Variants in CHD6 observed in about 807,000 individuals in gnomAD.
CHD6 encodes chromodomain helicase DNA binding protein 6, also known as ATP-dependent chromatin remodeler CHD6.
In CHD6, 50 loss-of-function variants were observed where a neutral mutation model predicts 276.9. That is an observed-to-expected ratio of 0.18 (90% CI 0.14 to 0.23). The LOEUF (loss-of-function observed/expected upper bound fraction) is 0.23, where lower values mean the gene tolerates loss of function less well. Ranked by LOEUF, CHD6 falls within the 10% of genes least tolerant of loss-of-function variation. The pLI is 1.00. For synonymous variants in CHD6, 1,173 were observed against 1,229.3 expected (o/e 0.95, Z 0.96); for missense variants, 2,564 against 3,365.8 (o/e 0.76, Z 5.89).
chr20:41,610,399 G>A (rs568667465), intron 1 of CHD6, among the ~76,000 whole-genome samples: 1 of 152,156 alleles, frequency 6.6e-6, no homozygotes, highest in South Asian at 2.1e-4. Context: ...AGGGAGGAGA[G>A]GATAAGACTC....
At position 41,421,162 on chromosome 20, in the gene CHD6, C is replaced by G. The variant is rs775217176; in HGVS notation, c.5473G>C (p.Asp1825His). The stretch of plus-strand genomic sequence containing the variant: ...TCACAGACACTAAGACTGCACATAT[C>G]TACAAACCCACTTTCATTTCCTGGA... ...LNPGNESGFV[D>H]MCSLSVCDSK... Residue 1825 changes from aspartate to histidine, a missense_variant, in exon 31 of 37, where the codon GAT becomes CAT. By Grantham distance (81) the Asp-to-His change is moderately conservative. This residue lies in a region of CHD6 where 1,024 missense variants were observed against 1,047.9 expected (regional missense o/e 0.98). Transcript: ENST00000373233. The G allele has an allele frequency of 2.5e-6, 4 of 1,613,442 alleles. No homozygotes were observed. In the African/African-American group the frequency reaches 5.3e-5, roughly 22 times the overall value.
intron 1 of CHD6, among the ~76,000 whole-genome samples, chr20:41,579,923 T>C (rs1209837111): frequency 6.6e-6 from 1 of 152,076 alleles, no homozygotes; most frequent in Admixed American, 6.5e-5. Context: ...AAAAATTGGG[T>C]TTTTGTTTTG....
At chr20:41,573,411 TA>T (rs2045439785) in intron 1 of CHD6, among the ~76,000 whole-genome samples, 1 of 152,220 alleles carries the variant, frequency 6.6e-6, no homozygotes, top group Non-Finnish European at 1.5e-5. Context: ...TTATGCAACC[TA>T]AATTCTCAAA....
chr20:41,416,808 T>C lies in CHD6; in HGVS notation c.6280-14A>G. On this transcript the variant is annotated splice_polypyrimidine_tract_variant and intron_variant, in intron 32 of 36. Transcript: ENST00000373233. ...TATCACGCGGTCCTAGAAAAAAGGATAAAGCTCTGATGAATAAGGATCGAG... is the reference window on the plus strand; with the variant it reads ...TATCACGCGGTCCTAGAAAAAAGGACAAAGCTCTGATGAATAAGGATCGAG... The C allele has an allele frequency of 1.3e-6, 2 of 1,519,322 alleles. No homozygotes were observed. Among genetic ancestry groups the C allele is most frequent in the Non-Finnish European group, 1.8e-6 (2 of 1,128,938 alleles). The allele number at this position is 1,519,322 out of a possible 1,614,324, so 94.1% of individuals were successfully genotyped here.
chr20:41,437,896 C>T (rs1600856124), intron 26 of CHD6, among the ~76,000 whole-genome samples: 1 of 151,566 alleles, frequency 6.6e-6, no homozygotes, highest in Non-Finnish European at 1.5e-5. Flanking sequence ...ACAGTTATCA[C>T]TTCTACAGGC....
At chr20:41,564,423 GA>G (rs1179441353) in intron 1 of CHD6, among the ~76,000 whole-genome samples, 1 of 152,086 alleles carries the variant, frequency 6.6e-6, no homozygotes, top group African/African-American at 2.4e-5. Context: ...AGGACAAATT[GA>G]AAAGTCTATA....
At chr20:41,460,020 G>T (rs1238575855) in intron 17 of CHD6, among the ~76,000 whole-genome samples, 1 of 152,208 alleles carries the variant, frequency 6.6e-6, no homozygotes. Flanking sequence ...AGTGGTCTCA[G>T]AAGGAGATGA....
rs2046614653 is a variant in CHD6, at chr20:41,404,590, G to A, written c.*3C>T. 6.8e-7 allele frequency: 1 copy of A among 1,475,566 alleles called. No individual in the cohort carries two copies. Among genetic ancestry groups the A allele is most frequent in the African/African-American group, 1.4e-5 (1 of 71,252 alleles). 91.4% of individuals were successfully genotyped at this position (1,475,566 alleles called of 1,614,324 possible). ...CACAATAATTTCTTAAATGAAAAAAGTTCTAATTGGTGTCGTTGTTGGAGT... is the reference window on the plus strand; with the variant it reads ...CACAATAATTTCTTAAATGAAAAAAATTCTAATTGGTGTCGTTGTTGGAGT... On this transcript the variant is annotated 3_prime_UTR_variant, in exon 37 of 37. Transcript: ENST00000373233.
At chr20:41,489,656 T>C in intron 12 of CHD6, 122 bp downstream of exon 12, 4 of 1,283,118 alleles carry the variant, frequency 3.1e-6, no homozygotes, top group South Asian at 2.6e-5. Flanking sequence ...TTGACAAACA[T>C]ATTACAAAGT....
Position 41,534,835 on chromosome 20 carries a change from T to C in CHD6, c.34-1265A>G, listed in dbSNP as rs118022681. Among the ~76,000 whole-genome samples the C allele has an allele frequency of 6.1e-3, 926 of 152,328 alleles. 3 individuals carry two copies. Among genetic ancestry groups the C allele is most frequent in the Non-Finnish European group, 0.01 (690 of 68,022 alleles). The stretch of plus-strand genomic sequence containing the variant: ...AAAATGGTTAAGGTGGTAAATTTTC[T>C]ATCATATGCTTTTACCACAATTTTA... On this transcript the variant is annotated intron_variant, in intron 2 of 36. Coordinates refer to ENST00000373233, the MANE Select transcript of CHD6 (RefSeq NM_032221.5).
intron 1 of CHD6, among the ~76,000 whole-genome samples, chr20:41,584,025 A>C (rs1326059590): frequency 6.6e-6 from 1 of 152,146 alleles, no homozygotes; most frequent in African/African-American, 2.4e-5. Flanking sequence ...CCATATTAAT[A>C]ATTATGTTAA....
chr20:41,533,026 C>A, intron 3 of CHD6, 24 bp downstream of exon 3: 1 of 1,556,806 alleles, frequency 6.4e-7, no homozygotes, highest in South Asian at 1.3e-5. Flanking sequence ...GGCAAGTGCT[C>A]AGAGAAGGGA....
intron 2 of CHD6, among the ~76,000 whole-genome samples, chr20:41,541,604 A>T (rs952107303): frequency 6.6e-6 from 1 of 152,232 alleles, no homozygotes; most frequent in African/African-American, 2.4e-5. Flanking sequence ...CTACAGAGTG[A>T]GAAGAAACAG....
At chr20:41,449,517 G>A (rs1442455989) in intron 23 of CHD6, among the ~76,000 whole-genome samples, 1 of 152,162 alleles carries the variant, frequency 6.6e-6, no homozygotes, top group Non-Finnish European at 1.5e-5. Flanking sequence ...CCAAATGGAA[G>A]GGAAATCAAT....
chr20:41,421,817 C>T lies in CHD6; in HGVS notation c.4818G>A (p.Leu1606=). ...TDCYIMNDPQ[L]SFLDAYRNYA... ...AGTTTCTATAGGCATCCAGGAAGGA[C>T]AGCTGGGGGTCGTTCATGATGTAAC... is the stretch of plus-strand genomic sequence containing the variant. The change falls in exon 31 of 37, where the codon CTG becomes CTA. Residue 1606 remains leucine, a synonymous_variant. Transcript: ENST00000373233. The T allele has an allele frequency of 6.2e-7, 1 of 1,614,166 alleles. No homozygotes were observed. The highest frequency in any genetic ancestry group is 8.5e-7 in the Non-Finnish European group (1 of 1,180,040).
At chr20:41,598,563 C>CCAAAACCCCA (rs1245423983) in intron 1 of CHD6, among the ~76,000 whole-genome samples, 1 of 152,172 alleles carries the variant, frequency 6.6e-6, no homozygotes, top group Admixed American at 6.5e-5. Context: ...TATCTCTCTT[C>CCAAAACCCCA]CAAAACCCCA....
chr20:41,556,177 G>T (rs1210139756), intron 1 of CHD6, among the ~76,000 whole-genome samples: 1 of 152,174 alleles, frequency 6.6e-6, no homozygotes, highest in East Asian at 1.9e-4. Flanking sequence ...AGGCAGGGAG[G>T]TTGCAGTGAG....
At position 41,403,352 on chromosome 20, in the gene CHD6, GA is replaced by G; in HGVS notation, c.*1240del. On this transcript the variant is annotated 3_prime_UTR_variant, in exon 37 of 37. Coordinates refer to ENST00000373233, the MANE Select transcript of CHD6 (RefSeq NM_032221.5). ...AGACCATCAGAAGGGACGTTAACAT[GA>G]AGGTGAAAGGACATGGGGAAGTGCT... The G allele has an allele frequency of 1.9e-6, 2 of 1,062,618 alleles. No homozygotes were observed. The highest frequency in any genetic ancestry group is 2.3e-6 in the Non-Finnish European group (2 of 877,312). The allele number at this position is 1,062,618 out of a possible 1,614,324, so 65.8% of individuals were successfully genotyped here. A position where few individuals can be genotyped will look rare whatever the true frequency, so the allele number is the denominator to read the frequency against.
intron 1 of CHD6, among the ~76,000 whole-genome samples, chr20:41,582,300 C>T (rs1274263878): frequency 2.0e-5 from 3 of 152,088 alleles, no homozygotes; most frequent in Non-Finnish European, 4.4e-5. Flanking sequence ...GAGTTTCGGA[C>T]ACGGTGAGTA....
Sources: gnomAD v4.1 joint callset for allele counts (sites outside exome capture counted in the v4.1 genomes callset) on GRCh38, gnomAD v4.1.1 for gene constraint, gnomAD v4.1.1 regional missense constraint, MANE v1.5 for transcripts, NCBI Gene and HGNC (gene_info 2026-07-23, HGNC 2026-07-21) for gene names.